PAX6: variants seen among roughly 807,000 people sequenced by gnomAD.
PAX6 encodes the protein paired box 6.
A neutral mutation model predicts 60.7 loss-of-function variants in PAX6; 7 were observed. The ratio of observed to expected loss-of-function variants is 0.12; its 90% confidence interval spans 0.07 to 0.22. The LOEUF is 0.22. Among genes scored for constraint, PAX6 ranks in the 10% least tolerant of loss-of-function variants. PAX6 has a pLI of 1.00. For missense variants in PAX6, 355 were observed against 555.2 expected (o/e 0.64, Z 3.62); for synonymous variants, 208 against 201.2 (o/e 1.03, Z -0.29).
chr11:31,813,294 T>A (rs769441767), upstream of PAX6, among the ~76,000 whole-genome samples: 3 of 150,528 alleles, frequency 2.0e-5, no homozygotes, highest in Non-Finnish European at 4.4e-5. Flanking sequence ...GTCGGCTTTC[T>A]CTTTCTCTCT....
intron 2 of PAX6, 189 bp downstream of exon 2, chr11:31,810,639 C>T (rs1475310562): frequency 2.6e-6 from 1 of 382,866 alleles, no homozygotes; most frequent in Admixed American, 4.5e-5. Flanking sequence ...CGGCAGTCGC[C>T]CTCCGACGCG....
chr11:31,789,914 T>C lies in PAX6; in HGVS notation c.*20A>G. 4.4e-6 allele frequency: 1 copy of C among 226,454 alleles called. No homozygotes were observed. The highest frequency in any genetic ancestry group is 7.1e-6 in the Non-Finnish European group (1 of 141,190). The allele number at this position is 226,454 out of a possible 1,614,324, so 14.0% of individuals were successfully genotyped here. Reference sequence around the variant, plus strand: ...GAATTAACACAATATTTCCTTTCCTTTTTTTTTTTTTTTTTTTTTTTACTG... The same window carrying C: ...GAATTAACACAATATTTCCTTTCCTCTTTTTTTTTTTTTTTTTTTTTACTG... On this transcript the variant is annotated 3_prime_UTR_variant, in exon 14 of 14. Coordinates refer to ENST00000640368, the MANE Select transcript of PAX6 (RefSeq NM_001368894.2).
In PAX6 at chr11:31,790,719, TGGTGCCCGA is replaced by T; in HGVS notation, c.1207_1215del (p.Ser403_Thr405del). The T allele has an allele frequency of 6.2e-7, 1 of 1,614,036 alleles. No homozygotes were observed. Among genetic ancestry groups the T allele is most frequent in the South Asian group, 1.1e-5 (1 of 91,058 alleles). On this transcript the variant is annotated inframe_deletion, in exon 13 of 14. Transcript: ENST00000640368. ...GAAAGCAGTGGCTCACCTGTTGAAG[TGGTGCCCGA>T]GGTGCCCATTGGCTGACTGTTCATG...
In PAX6 at chr11:31,801,786, G is replaced by T. The variant is rs749873503; in HGVS notation, c.184-10C>A. On this transcript the variant is annotated splice_polypyrimidine_tract_variant and intron_variant, in intron 6 of 13. Coordinates refer to ENST00000640368, the MANE Select transcript of PAX6 (RefSeq NM_001368894.2). The stretch of plus-strand genomic sequence containing the variant: ...CACATCCGTTGGACACCTGCATAGG[G>T]GAAGTGGACAGAAAACCACATTATT... 6.2e-7 allele frequency: 1 copy of T among 1,614,142 alleles called. No individual in the cohort carries two copies. Among genetic ancestry groups the T allele is most frequent in the Non-Finnish European group, 8.5e-7 (1 of 1,180,020 alleles).
chr11:31,816,656 G>C (rs1314996486), intron 1 of PAX6: 1 of 701,654 alleles, frequency 1.4e-6, no homozygotes, highest in African/African-American at 1.7e-5. Flanking sequence ...CGTGCGGCCG[G>C]ACTGCCACTG....
Position 31,801,434 on chromosome 11 carries a change from AGGAGACAAATGT to A in PAX6, c.399+115_399+126del. 1.9e-6 allele frequency: 3 copies of A among 1,563,492 alleles called. No homozygotes were observed. The South Asian group carries it at 3.5e-5, about 18-fold the overall frequency. On this transcript the variant is annotated intron_variant, in intron 7 of 13. Coordinates refer to ENST00000640368, the MANE Select transcript of PAX6 (RefSeq NM_001368894.2). ...TTCCTCTCTGTTCCCCCAGGTACAA[AGGAGACAAATGT>A]GGAGCAGGGAGAGGACACAGACTAA...
rs780173365 is a variant in PAX6, at chr11:31,794,118, A to G, written c.725-4T>C. 6.3e-7 allele frequency: 1 copy of G among 1,593,288 alleles called. No homozygotes were observed. Among genetic ancestry groups the G allele is most frequent in the South Asian group, 1.1e-5 (1 of 90,614 alleles). Reference sequence around the variant, plus strand: ...GGATAATGGGTTCTCTCAAACTCTGAAAGAGTAAGTTGATTTTCCATATTG... The same window carrying G: ...GGATAATGGGTTCTCTCAAACTCTGGAAGAGTAAGTTGATTTTCCATATTG... On this transcript the variant is annotated splice_polypyrimidine_tract_variant and splice_region_variant and intron_variant, in intron 9 of 13. Transcript: ENST00000640368.
chr11:31,798,640 A>AC (rs1050518824), intron 8 of PAX6, among the ~76,000 whole-genome samples: 2 of 151,634 alleles, frequency 1.3e-5, no homozygotes, highest in African/African-American at 4.8e-5. Flanking sequence ...GGTGACAATC[A>AC]CCCCCCAAAA....
intron 2 of PAX6, chr11:31,807,495 A>G (rs1024116919): frequency 6.6e-6 from 1 of 152,190 alleles, no homozygotes; most frequent in African/African-American, 2.4e-5. Flanking sequence ...CCCCCTCTCC[A>G]TCTACCTCCC....
Position 31,810,874 on chromosome 11 carries a change from T to C in PAX6, c.-175A>G. 2.5e-6 allele frequency: 1 copy of C among 399,110 alleles called. No individual in the cohort carries two copies. Among genetic ancestry groups the C allele is most frequent in the Non-Finnish European group, 4.4e-6 (1 of 226,118 alleles). 24.7% of individuals were successfully genotyped at this position (399,110 alleles called of 1,614,324 possible). On this transcript the variant is annotated 5_prime_UTR_variant, in exon 2 of 14. Transcript: ENST00000640368. Reference sequence around the variant, plus strand: ...GTTGTCACAGCTTCTGTCAAGAGTTTTGTTTGGTTGGGGTTTTTTGTGCTG... The same window carrying C: ...GTTGTCACAGCTTCTGTCAAGAGTTCTGTTTGGTTGGGGTTTTTTGTGCTG...
chr11:31,790,417 C>A (rs1192219439), intron 13 of PAX6: 2 of 1,305,010 alleles, frequency 1.5e-6, no homozygotes, highest in Non-Finnish European at 2.0e-6. Flanking sequence ...GCTCAGTGGG[C>A]CCCCTACTGA....
intron 4 of PAX6, chr11:31,803,113 G>A: frequency 2.1e-6 from 1 of 476,276 alleles, no homozygotes. Context: ...CCCAGTCCAA[G>A]CAACCGTGCC....
chr11:31,816,042 C>T (rs1379737414), upstream of PAX6, among the ~76,000 whole-genome samples: 3 of 152,226 alleles, frequency 2.0e-5, no homozygotes, highest in East Asian at 1.9e-4. Context: ...ACCACCCAGG[C>T]TGGCAGCCCT....
At chr11:31,801,392 A>G in intron 7 of PAX6, 169 bp downstream of exon 7, 1 of 1,509,418 alleles carries the variant, frequency 6.6e-7, no homozygotes, top group Non-Finnish European at 8.8e-7. Context: ...CCAGACAGTC[A>G]AAGAAAAGTC....
Position 31,794,689 on chromosome 11 carries a change from C to T in PAX6, c.665G>A (p.Arg222Gln), listed in dbSNP as rs749244084. The T allele has an allele frequency of 2.5e-6, 4 of 1,614,140 alleles. No homozygotes were observed. Among genetic ancestry groups the T allele is most frequent in the Non-Finnish European group, 2.5e-6 (3 of 1,180,020 alleles). ...DEAQMRLQLK[R>Q]KLQRNRTSFT... ...GGATGTTCTATTTCTTTGCAGCTTC[C>T]GCTTCAGCTGAAGTCGCATTTGAGC... Residue 222 changes from arginine (R) to glutamine (Q), a missense_variant, in exon 9 of 14, where the codon CGG becomes CAG. Arg to Gln is a conservative substitution (Grantham distance 43). Transcript: ENST00000640368.
chr11:31,811,304 TA>T lies in PAX6; in HGVS notation c.-507del. On this transcript the variant is annotated 5_prime_UTR_variant, in exon 1 of 14. An upstream open reading frame in the 5' UTR loses its in-frame stop. Coordinates refer to ENST00000640368, the MANE Select transcript of PAX6 (RefSeq NM_001368894.2). Reference sequence around the variant, plus strand: ...GCCACGGTTCCCTTTTCAAACCCACTAATCACTCCGCAACATGCAAATGCAC... The same window carrying T: ...GCCACGGTTCCCTTTTCAAACCCACTATCACTCCGCAACATGCAAATGCAC... The T allele has an allele frequency of 5.0e-6, 2 of 398,568 alleles. No homozygotes were observed. Among genetic ancestry groups the T allele is most frequent in the Non-Finnish European group, 8.8e-6 (2 of 226,084 alleles). 24.7% of individuals were successfully genotyped at this position (398,568 alleles called of 1,614,324 possible).
In PAX6 at chr11:31,789,369, A is replaced by G; in HGVS notation, c.*565T>C. On this transcript the variant is annotated 3_prime_UTR_variant, in exon 14 of 14. Coordinates refer to ENST00000640368, the MANE Select transcript of PAX6 (RefSeq NM_001368894.2). ...ATATCTTACCCTTTTTTGCACATAA[A>G]CTTCATCTGTTAACAACCTTTGGAA... 6.8e-6 allele frequency: 2 copies of G among 293,312 alleles called. No individual in the cohort carries two copies. Among genetic ancestry groups the G allele is most frequent in the Non-Finnish European group, 1.3e-5 (2 of 159,518 alleles). The allele number at this position is 293,312 out of a possible 1,614,324, so 18.2% of individuals were successfully genotyped here.
At chr11:31,807,189 T>C (rs1319590822) in intron 2 of PAX6, 1 of 152,216 alleles carries the variant, frequency 6.6e-6, no homozygotes, top group Non-Finnish European at 1.5e-5. Flanking sequence ...TGCAAAAATA[T>C]AAAGAACCAG....
intron 4 of PAX6, chr11:31,803,600 A>G (rs879857854): frequency 1.3e-5 from 2 of 152,336 alleles, no homozygotes; most frequent in African/African-American, 4.8e-5. Context: ...TGCAGACGTG[A>G]GAGTCAGAGC....
Sources: gnomAD v4.1 joint callset for allele counts (sites outside exome capture counted in the v4.1 genomes callset) on GRCh38, gnomAD v4.1.1 for gene constraint, MANE v1.5 for transcripts, NCBI Gene and HGNC (gene_info 2026-07-23, HGNC 2026-07-21) for gene names.